PCDH15: variants seen among roughly 807,000 people sequenced by gnomAD.
PCDH15 encodes protocadherin related 15, also known as protocadherin-15.
A neutral mutation model predicts 178.5 loss-of-function variants in PCDH15; 129 were observed. The ratio of observed to expected loss-of-function variants is 0.72; its 90% CI spans 0.63 to 0.84. The LOEUF (loss-of-function observed/expected upper bound fraction) is 0.84. Ranked by LOEUF, PCDH15 falls within the 40% of genes least tolerant of loss-of-function variation. The probability of loss-of-function intolerance (pLI) is 0.00; values close to 1 mark genes in which losing one functional copy is unlikely to be tolerated. For synonymous variants in PCDH15, 800 were observed against 732.0 expected, an observed-to-expected ratio of 1.09 and a Z score of -1.50; for missense variants, 2,230 against 2,099.9, an observed-to-expected ratio of 1.06 and a Z score of -1.21.
At chr10:54,381,980 T>C (rs1030283000) in intron 3 of PCDH15, among the ~76,000 whole-genome samples, 9 of 152,142 alleles carry the variant, frequency 5.9e-5, no homozygotes, top group African/African-American at 1.9e-4. Flanking sequence ...AAAAGGCATT[T>C]CTACTATAAT....
chr10:54,920,400 C>A (rs1395223961), intron 2 of PCDH15, among the ~76,000 whole-genome samples: 2 of 128,192 alleles, frequency 1.6e-5, no homozygotes, highest in Non-Finnish European at 3.1e-5. Context: ...ACCCGGGAGG[C>A]GGAGCTTGCA....
chr10:54,720,390 A>T (rs1395748610), intron 1 of PCDH15, among the ~76,000 whole-genome samples: 1 of 152,046 alleles, frequency 6.6e-6, no homozygotes, highest in Non-Finnish European at 1.5e-5. Flanking sequence ...GTGGAAAAAA[A>T]AATCCTAAAA....
At chr10:55,582,624 A>ATTTT (rs1477154346) in intron 2 of PCDH15, among the ~76,000 whole-genome samples, 25 of 62,258 alleles carry the variant, frequency 4.0e-4, no homozygotes, top group Non-Finnish European at 6.0e-4. Context: ...ATATATATAT[A>ATTTT]TATATTTTTT....
At chr10:54,903,145 T>C (rs765172264) in intron 2 of PCDH15, among the ~76,000 whole-genome samples, 4 of 151,978 alleles carry the variant, frequency 2.6e-5, no homozygotes, top group Non-Finnish European at 4.4e-5. Context: ...GTTGGAGGTA[T>C]GAAGGAGGAA....
At chr10:55,392,477 T>A (rs892301539) in intron 2 of PCDH15, among the ~76,000 whole-genome samples, 1 of 152,204 alleles carries the variant, frequency 6.6e-6, no homozygotes, top group Admixed American at 6.6e-5. Flanking sequence ...TAGTTTTTTG[T>A]TCCAGCATCC....
At chr10:54,518,070 A>G (rs2082415327) in intron 3 of PCDH15, among the ~76,000 whole-genome samples, 1 of 152,204 alleles carries the variant, frequency 6.6e-6, no homozygotes, top group Admixed American at 6.5e-5. Flanking sequence ...CAGTGTGTAG[A>G]GGGAAATTTA....
intron 1 of PCDH15, among the ~76,000 whole-genome samples, chr10:54,745,464 T>G (rs916806832): frequency 6.6e-6 from 1 of 152,108 alleles, no homozygotes; most frequent in African/African-American, 2.4e-5. Flanking sequence ...TCTCTGATAA[T>G]GGTAAATTCT....
chr10:54,432,275 GAAAC>G (rs1040725869), intron 3 of PCDH15, among the ~76,000 whole-genome samples: 4 of 128,274 alleles, frequency 3.1e-5, no homozygotes, highest in Non-Finnish European at 7.1e-5. Context: ...ATCAAAAAAA[GAAAC>G]AAACAAACAA....
intron 2 of PCDH15, among the ~76,000 whole-genome samples, chr10:55,605,044 TA>T (rs1843182037): frequency 6.6e-6 from 1 of 151,552 alleles, no homozygotes; most frequent in Non-Finnish European, 1.5e-5. Flanking sequence ...ATAGACGCAA[TA>T]AAAAATGATA....
At chr10:53,978,391 T>C (rs113357572) in intron 21 of PCDH15, among the ~76,000 whole-genome samples, 1 of 152,154 alleles carries the variant, frequency 6.6e-6, no homozygotes, top group African/African-American at 2.4e-5. Context: ...TGGCCTGAAC[T>C]GTACCTTGGC....
intron 2 of PCDH15, among the ~76,000 whole-genome samples, chr10:55,371,035 A>T (rs1181060623): frequency 1.3e-5 from 2 of 152,140 alleles, no homozygotes; most frequent in South Asian, 4.1e-4. Context: ...CAATCTTTTC[A>T]TGAGTTTCTA....
At chr10:54,700,660 T>C (rs191159383) in intron 1 of PCDH15, among the ~76,000 whole-genome samples, 4 of 151,814 alleles carry the variant, frequency 2.6e-5, no homozygotes, top group Admixed American at 6.6e-5. Flanking sequence ...CATACAAAAA[T>C]AAAGAAAAAA....
At chr10:53,922,695 T>C (rs1427162856) in intron 25 of PCDH15, among the ~76,000 whole-genome samples, 1 of 152,204 alleles carries the variant, frequency 6.6e-6, no homozygotes, top group Non-Finnish European at 1.5e-5. Context: ...CAGGCATATC[T>C]GAGCATTTAT....
At chr10:54,541,634 T>C (rs79461005) in intron 2 of PCDH15, among the ~76,000 whole-genome samples, 2,134 of 152,254 alleles carry the variant, frequency 0.014, 48 homozygotes, top group African/African-American at 0.05. Context: ...TGTCTCTGTG[T>C]TTTGTAATTG....
chr10:54,124,682 A>G (rs1052586662), intron 15 of PCDH15, among the ~76,000 whole-genome samples: 22 of 152,232 alleles, frequency 1.4e-4, no homozygotes, highest in African/African-American at 4.6e-4. Flanking sequence ...TGCAGTGCCT[A>G]TGATTCACGC....
intron 25 of PCDH15, among the ~76,000 whole-genome samples, chr10:53,928,605 T>A (rs980997481): frequency 6.6e-6 from 1 of 152,200 alleles, no homozygotes; most frequent in East Asian, 1.9e-4. Context: ...GGTTGTTATT[T>A]CTGTAACATA....
At chr10:54,159,946 A>AT (rs1320691355) in intron 13 of PCDH15, among the ~76,000 whole-genome samples, 3 of 152,136 alleles carry the variant, frequency 2.0e-5, no homozygotes, top group South Asian at 2.1e-4. Context: ...TCAGCATACA[A>AT]TTTTTTTCAT....
intron 5 of PCDH15, among the ~76,000 whole-genome samples, chr10:54,353,738 C>T (rs1217841506): frequency 6.6e-6 from 1 of 151,858 alleles, no homozygotes; most frequent in Non-Finnish European, 1.5e-5. Context: ...GGTTTTCATA[C>T]CTGTGTTAAA....
At chr10:54,377,996 G>A (rs765987459) in intron 4 of PCDH15, among the ~76,000 whole-genome samples, 8 of 151,890 alleles carry the variant, frequency 5.3e-5, no homozygotes, top group Admixed American at 1.3e-4. Context: ...ATAGTTCACT[G>A]CAGCCTCCAC....
Sources: allele counts gnomAD v4.1 joint callset (sites outside exome capture counted in the v4.1 genomes callset), GRCh38; gene constraint gnomAD v4.1.1; transcripts MANE v1.5; gene names NCBI Gene and HGNC (gene_info 2026-07-23, HGNC 2026-07-21).